GBE1: variants seen among roughly 807,000 people sequenced by gnomAD.
GBE1 encodes 1,4-alpha-glucan branching enzyme 1, also known as 1,4-alpha-glucan-branching enzyme.
A neutral mutation model predicts 88.8 loss-of-function variants in GBE1; 70 were observed. The ratio of observed to expected loss-of-function variants is 0.79; its 90% CI spans 0.65 to 0.96. The LOEUF (loss-of-function observed/expected upper bound fraction) is 0.96, where lower values mean the gene tolerates loss of function less well. GBE1 is among the 40% of genes least tolerant of loss of function. The pLI is 0.00. For synonymous variants in GBE1, 284 were observed against 300.1 expected (o/e 0.95, Z 0.56); for missense variants, 872 against 871.0 (o/e 1.00, Z -0.01).
At chr3:81,718,330 T>C (rs1333570732) in intron 1 of GBE1, among the ~76,000 whole-genome samples, 1 of 152,150 alleles carries the variant, frequency 6.6e-6, no homozygotes, top group East Asian at 1.9e-4. Flanking sequence ...AAAATAATAA[T>C]AATTTATAAA....
intron 7 of GBE1, among the ~76,000 whole-genome samples, chr3:81,596,338 C>A (rs946811232): frequency 1.3e-5 from 2 of 151,642 alleles, no homozygotes; most frequent in African/African-American, 4.8e-5. Context: ...GCACAACGTG[C>A]AAGTTAGTTA....
rs1248978209 is a variant in GBE1 at position 81,519,640 on chromosome 3, TCA to T, written c.1934+15553_1934+15554del. Among the ~76,000 whole-genome samples, 7 of 151,452 alleles carry T rather than the reference TCA, an allele frequency of 4.6e-5. No homozygotes were observed. In the East Asian group the frequency reaches 1.2e-3, roughly 25 times the overall value. ...TATTAACTTAAACTGATGTAATACA[TCA>T]GTTTAACTCTGAAAATAGAACCATG... is the stretch of plus-strand genomic sequence containing the variant. On this transcript the variant is annotated intron_variant, in intron 14 of 15. Coordinates refer to ENST00000429644, the MANE Select transcript of GBE1 (RefSeq NM_000158.4).
At position 81,559,245 on chromosome 3, in the gene GBE1, C is replaced by T. The variant is rs1470420881; in HGVS notation, c.1618+18680G>A. 2.0e-5 allele frequency among the ~76,000 whole-genome samples: 3 copies of T among 151,840 alleles called. No individual in the cohort carries two copies. The Admixed American group carries it at 2.0e-4, about 10-fold the overall frequency. On this transcript the variant is annotated intron_variant, in intron 12 of 15. Transcript: ENST00000429644. ...GCCTAGGCTAGGACTAAAATCTTAC[C>T]CTTCTGCCCTAAAAGAAAAATTTAC... is the stretch of plus-strand genomic sequence containing the variant.
intron 2 of GBE1, among the ~76,000 whole-genome samples, chr3:81,701,548 A>G (rs1359466514): frequency 6.6e-6 from 1 of 151,962 alleles, no homozygotes; most frequent in Non-Finnish European, 1.5e-5. Flanking sequence ...ACATTTCTGT[A>G]GCACTGATTA....
intron 8 of GBE1, 141 bp from the exon 9 acceptor site, chr3:81,591,305 G>A: frequency 3.6e-6 from 2 of 549,278 alleles, no homozygotes; most frequent in South Asian, 4.1e-5. Flanking sequence ...CAAATATACT[G>A]ACTTAGAAAA....
intron 1 of GBE1, among the ~76,000 whole-genome samples, chr3:81,713,521 T>G (rs1211326281): frequency 6.6e-6 from 1 of 152,072 alleles, no homozygotes; most frequent in Non-Finnish European, 1.5e-5. Flanking sequence ...AGGGAGCAGT[T>G]TGAACGATGA....
At chr3:81,705,685 A>C in intron 1 of GBE1, 72 bp from the exon 2 acceptor site, 1 of 997,554 alleles carries the variant, frequency 1.0e-6, no homozygotes, top group Non-Finnish European at 1.4e-6. Flanking sequence ...GTAATTAAGT[A>C]ACTGCTTTAG....
chr3:81,631,324 T>C (rs1017205323), intron 7 of GBE1, among the ~76,000 whole-genome samples: 1 of 152,210 alleles, frequency 6.6e-6, no homozygotes, highest in African/African-American at 2.4e-5. Context: ...AGTGGAGGAA[T>C]GCTTCATTTA....
rs1706501616 is a variant in GBE1, at chr3:81,750,607, A to ATATATGTATATATATATG, written c.143+10767_143+10768insCATATATATATACATATA. Among the ~76,000 whole-genome samples, 3 of 80,142 alleles carry ATATATGTATATATATATG rather than the reference A, an allele frequency of 3.7e-5. 1 individual carries two copies. The highest frequency in any genetic ancestry group is 2.2e-4 in the African/African-American group (3 of 13,944). 52.6% of individuals were successfully genotyped at this position (80,142 alleles called of 152,430 possible). A position where few individuals can be genotyped will look rare whatever the true frequency, so the allele number is the denominator to read the frequency against. On this transcript the variant is annotated intron_variant, in intron 1 of 15. Coordinates refer to ENST00000429644, the MANE Select transcript of GBE1 (RefSeq NM_000158.4). ...TATATACGTATATATATATGTGTAT[A>ATATATGTATATATATATG]TATATATATGTATATATATATACGT...
intron 10 of GBE1, among the ~76,000 whole-genome samples, chr3:81,584,358 A>G (rs1051239938): frequency 2.6e-5 from 4 of 152,100 alleles, no homozygotes; most frequent in Admixed American, 2.0e-4. Flanking sequence ...TACAGTTGTC[A>G]TCTGATTTAA....
rs77216725 is a variant in GBE1 at position 81,634,215 on chromosome 3, T to G, written c.992+8566A>C. Among the ~76,000 whole-genome samples the G allele has an allele frequency of 2.2e-4, 34 of 152,338 alleles. 1 individual carries two copies. The East Asian group carries it at 6.4e-3, about 29-fold the overall frequency. On this transcript the variant is annotated intron_variant, in intron 7 of 15. Transcript: ENST00000429644. ...GTATAACTCCAAACTTTCCATGATA[T>G]TCTATATTCTAGTTGTTGCACATTT...
intron 1 of GBE1, among the ~76,000 whole-genome samples, chr3:81,747,693 G>A (rs1355539007): frequency 6.6e-6 from 1 of 152,166 alleles, no homozygotes; most frequent in South Asian, 2.1e-4. Context: ...TTCCACCATT[G>A]TGATTTGTTC....
chr3:81,711,824 G>A (rs1398208474), intron 1 of GBE1, among the ~76,000 whole-genome samples: 1 of 152,064 alleles, frequency 6.6e-6, no homozygotes, highest in African/African-American at 2.4e-5. Context: ...TTAAACTAAA[G>A]AGCTTCTGCA....
At chr3:81,646,801 G>C (rs1476140882) in intron 5 of GBE1, among the ~76,000 whole-genome samples, 1 of 152,026 alleles carries the variant, frequency 6.6e-6, no homozygotes, top group Non-Finnish European at 1.5e-5. Flanking sequence ...AGTTACACTT[G>C]CAATATTCAT....
chr3:81,539,854 C>T (rs1703121644), intron 12 of GBE1, among the ~76,000 whole-genome samples: 1 of 151,912 alleles, frequency 6.6e-6, no homozygotes, highest in South Asian at 2.1e-4. Context: ...AAGGAAACAT[C>T]AGCATCTGTA....
intron 7 of GBE1, among the ~76,000 whole-genome samples, chr3:81,636,883 G>T (rs1184760615): frequency 2.0e-5 from 3 of 152,018 alleles, no homozygotes; most frequent in Admixed American, 6.6e-5. Context: ...CTAAAATGAT[G>T]CTATATTACT....
At chr3:81,701,800 T>A (rs183180701) in intron 2 of GBE1, among the ~76,000 whole-genome samples, 1 of 151,924 alleles carries the variant, frequency 6.6e-6, no homozygotes, top group South Asian at 2.1e-4. Context: ...ATAGGGTCTA[T>A]CTCTGTTGCC....
At chr3:81,550,286 T>C (rs891341292) in intron 12 of GBE1, among the ~76,000 whole-genome samples, 2 of 151,374 alleles carry the variant, frequency 1.3e-5, no homozygotes, top group Admixed American at 1.3e-4. Flanking sequence ...TTTTCAGCAC[T>C]CAATAGTTAC....
Position 81,591,097 on chromosome 3 carries a change from G to C in GBE1, c.1176C>G (p.Tyr392Ter). 6.2e-7 allele frequency: 1 copy of C among 1,609,406 alleles called. No individual in the cohort carries two copies. The highest frequency in any genetic ancestry group is 8.5e-7 in the Non-Finnish European group (1 of 1,177,408). Residue 392 changes from tyrosine (Y) to a stop codon, truncating the protein, a stop_gained, in exon 9 of 16, where the codon TAC becomes TAG. Transcript: ENST00000429644. LOFTEE classifies it high-confidence loss of function. The stretch of plus-strand genomic sequence containing the variant: ...GAACCAAATGATTTGCCAACATGAG[G>C]TAAGTCAAGGCATCTTCATCTACTT... ...GLQVDEDALTYLMLANHLVHT... is the reference protein window; with the variant it reads ...GLQVDEDALT
Sources: gnomAD v4.1 joint callset for allele counts (sites outside exome capture counted in the v4.1 genomes callset) on GRCh38, gnomAD v4.1.1 for gene constraint, MANE v1.5 for transcripts, NCBI Gene and HGNC (gene_info 2026-07-23, HGNC 2026-07-21) for gene names.